The following STXBP4 variants were observed in gnomAD, a reference collection of about 807,000 sequenced individuals.
The protein encoded by STXBP4 is syntaxin-binding protein 4.
Under a neutral mutation model 76.1 loss-of-function variants are expected in STXBP4, and 55 were observed. That is an observed-to-expected ratio of 0.72 (90% confidence interval 0.58 to 0.91). STXBP4 has a LOEUF of 0.91. Ranked by LOEUF, STXBP4 falls within the 40% of genes least tolerant of loss-of-function variation. STXBP4 has a pLI of 0.00. For synonymous variants in STXBP4, 201 were observed against 220.2 expected (o/e 0.91, Z 0.77); for missense variants, 618 against 636.9 (o/e 0.97, Z 0.32).
chr17:55,124,920 G>C (rs922731577), intron 16 of STXBP4, among the ~76,000 whole-genome samples: 1 of 152,118 alleles, frequency 6.6e-6, no homozygotes, highest in Non-Finnish European at 1.5e-5. Context: ...GGTGGCTCTT[G>C]TCCCTGTTCT....
intron 17 of STXBP4, among the ~76,000 whole-genome samples, chr17:55,151,647 G>A (rs916734424): frequency 2.0e-5 from 3 of 152,088 alleles, no homozygotes; most frequent in East Asian, 3.8e-4. Flanking sequence ...ATTCCAGTGT[G>A]GTAAAATCAC....
chr17:55,061,662 C>A (rs2078996358), intron 12 of STXBP4, among the ~76,000 whole-genome samples: 1 of 152,150 alleles, frequency 6.6e-6, no homozygotes, highest in Admixed American at 6.5e-5. Context: ...TAACACCTGG[C>A]AAACACTAAT....
intron 12 of STXBP4, among the ~76,000 whole-genome samples, chr17:55,052,945 G>GTA (rs1266411711): frequency 1.4e-5 from 2 of 142,862 alleles, no homozygotes; most frequent in Admixed American, 7.0e-5. Flanking sequence ...GTGTGTGTGT[G>GTA]TGTGTGGGTT....
rs1429742832 is a variant in STXBP4 at position 55,160,128 on chromosome 17, TC to T, written c.*218del. 1 of 355,412 alleles carries T rather than the reference TC, an allele frequency of 2.8e-6. No homozygotes were observed. The highest frequency in any genetic ancestry group is 2.1e-5 in the African/African-American group (1 of 47,436). 22.0% of individuals were successfully genotyped at this position (355,412 alleles called of 1,614,324 possible). A position where few individuals can be genotyped will look rare whatever the true frequency, so the allele number is the denominator to read the frequency against. ...CACTACAGTAGTTCCTTAAGAATAA[TC>T]TAGTTATATTTTTTGAAATCACATA... On this transcript the variant is annotated 3_prime_UTR_variant, in exon 18 of 18. Coordinates refer to ENST00000376352, the MANE Select transcript of STXBP4 (RefSeq NM_178509.6).
intron 4 of STXBP4, 117 bp from the exon 5 acceptor site, chr17:54,999,228 C>A: frequency 1.4e-6 from 1 of 728,444 alleles, no homozygotes; most frequent in Non-Finnish European, 2.2e-6. Context: ...TAAGATTTTA[C>A]TTTTTACTCT....
At chr17:55,179,232 A>C in the STXBP4 span, among the ~76,000 whole-genome samples, 1 of 152,266 alleles carries the variant, frequency 6.6e-6, no homozygotes, top group Admixed American at 6.5e-5. Context: ...CACTGGGACT[A>C]TTTAATACTC....
chr17:55,002,902 C>G (rs1158742678), intron 7 of STXBP4, among the ~76,000 whole-genome samples: 1 of 152,114 alleles, frequency 6.6e-6, no homozygotes, highest in Admixed American at 6.5e-5. Context: ...TAATATGGAA[C>G]CTATAGCTTA....
intron 16 of STXBP4, among the ~76,000 whole-genome samples, chr17:55,097,326 C>T (rs1489272022): frequency 6.6e-6 from 1 of 152,190 alleles, no homozygotes; most frequent in African/African-American, 2.4e-5. Context: ...ATGTATTTGT[C>T]TCTAAGCATT....
intron 3 of STXBP4, among the ~76,000 whole-genome samples, chr17:54,989,094 A>C (rs1183628040): frequency 6.6e-6 from 1 of 152,190 alleles, no homozygotes; most frequent in Non-Finnish European, 1.5e-5. Context: ...AACTATAATC[A>C]TGTAAGATAT....
At chr17:55,148,354 A>T (rs2080179440) in intron 17 of STXBP4, among the ~76,000 whole-genome samples, 1 of 152,234 alleles carries the variant, frequency 6.6e-6, no homozygotes, top group Non-Finnish European at 1.5e-5. Context: ...AGAATTTTAA[A>T]TTATCGTTTC....
At chr17:55,031,674 T>C (rs553252007) in intron 9 of STXBP4, among the ~76,000 whole-genome samples, 1 of 152,272 alleles carries the variant, frequency 6.6e-6, no homozygotes, top group African/African-American at 2.4e-5. Context: ...AGTCATCCCT[T>C]GGTATGGGAG....
intron 12 of STXBP4, among the ~76,000 whole-genome samples, chr17:55,053,915 A>G (rs1009384464): frequency 2.0e-5 from 3 of 152,160 alleles, no homozygotes; most frequent in Non-Finnish European, 4.4e-5. Flanking sequence ...AAACTTTAGA[A>G]TATCAGCCAT....
chr17:55,126,344 C>G (rs576649187), intron 16 of STXBP4, among the ~76,000 whole-genome samples: 18 of 152,190 alleles, frequency 1.2e-4, no homozygotes, highest in Non-Finnish European at 2.1e-4. Flanking sequence ...GGAAAACATG[C>G]TCATAATGAA....
intron 17 of STXBP4, among the ~76,000 whole-genome samples, chr17:55,152,412 A>G (rs1359657734): frequency 1.3e-5 from 2 of 152,324 alleles, no homozygotes; most frequent in Non-Finnish European, 2.9e-5. Context: ...TCATCCAGAT[A>G]ACAATTCTTA....
intron 17 of STXBP4, among the ~76,000 whole-genome samples, chr17:55,155,181 A>T (rs974294833): frequency 5.9e-5 from 9 of 152,176 alleles, no homozygotes; most frequent in African/African-American, 1.9e-4. Context: ...AACATATTTT[A>T]GAATAGATAC....
intron 1 of STXBP4, among the ~76,000 whole-genome samples, chr17:54,980,583 C>G (rs553731820): frequency 1.3e-5 from 2 of 152,358 alleles, no homozygotes; most frequent in South Asian, 4.1e-4. Flanking sequence ...GGTTTTCCAT[C>G]GTTTCCTTGG....
chr17:54,978,393 T>C (rs965112763), intron 1 of STXBP4, among the ~76,000 whole-genome samples: 4 of 149,736 alleles, frequency 2.7e-5, no homozygotes, highest in Admixed American at 6.7e-5. Context: ...GAGTCATCTT[T>C]CTTTTTAAAT....
rs1314272100 is a variant in STXBP4, at chr17:55,173,323, T to A, written c.*13412T>A. The A allele has an allele frequency of 6.6e-6, 1 of 152,250 alleles. No individual in the cohort carries two copies. Among genetic ancestry groups the A allele is most frequent in the Non-Finnish European group, 1.5e-5 (1 of 68,038 alleles). The allele number at this position is 152,250 out of a possible 1,614,324, so 9.4% of individuals were successfully genotyped here. ...CAAGTGCTCTCCTGCTATGCTTTTA[T>A]AACACACCCTTCCCCACCCCAACTC... On this transcript the variant is annotated 3_prime_UTR_variant, in exon 18 of 18. Transcript: ENST00000376352.
At chr17:55,089,934 CA>C (rs1345771164) in intron 16 of STXBP4, among the ~76,000 whole-genome samples, 1 of 152,034 alleles carries the variant, frequency 6.6e-6, no homozygotes, top group Non-Finnish European at 1.5e-5. Context: ...TCTTCAAAAG[CA>C]CTAGCTGTTA....
Sources: allele counts gnomAD v4.1 joint callset (sites outside exome capture counted in the v4.1 genomes callset), GRCh38; gene constraint gnomAD v4.1.1; transcripts MANE v1.5; gene names NCBI Gene and HGNC (gene_info 2026-07-23, HGNC 2026-07-21).